KAZN: variants seen among roughly 807,000 people sequenced by gnomAD.
The protein encoded by KAZN is kazrin.
A neutral mutation model predicts 87.4 loss-of-function variants in KAZN; 40 were observed. The ratio of observed to expected loss-of-function variants is 0.46; its 90% CI spans 0.36 to 0.60. The LOEUF (loss-of-function observed/expected upper bound fraction) is 0.60, where lower values mean the gene tolerates loss of function less well. Among genes scored for constraint, KAZN ranks in the 20% least tolerant of loss-of-function variants. KAZN has a pLI of 0.00. For synonymous variants in KAZN, 466 were observed against 458.3 expected, an observed-to-expected ratio of 1.02 and a Z score of -0.22; for missense variants, 898 against 1,073.9, an observed-to-expected ratio of 0.84 and a Z score of 2.29.
chr1:14,387,480 G>C (rs1662028271), intron 2 of KAZN, among the ~76,000 whole-genome samples: 2 of 151,976 alleles, frequency 1.3e-5, no homozygotes, highest in South Asian at 4.1e-4. Flanking sequence ...GTGATGTACA[G>C]ATGGGTTTTT....
At chr1:14,081,299 G>A (rs1643665567) in intron 1 of KAZN, among the ~76,000 whole-genome samples, 1 of 152,078 alleles carries the variant, frequency 6.6e-6, no homozygotes, top group Non-Finnish European at 1.5e-5. Context: ...AGATGGCCGT[G>A]AACTGCAGTA....
intron 2 of KAZN, among the ~76,000 whole-genome samples, chr1:14,974,097 C>A (rs1429439116): frequency 6.6e-6 from 1 of 152,000 alleles, no homozygotes; most frequent in Non-Finnish European, 1.5e-5. Flanking sequence ...CAACCACATG[C>A]CCATTTGCAG....
At chr1:14,295,523 A>C (rs904391685) in intron 2 of KAZN, among the ~76,000 whole-genome samples, 6 of 152,194 alleles carry the variant, frequency 3.9e-5, no homozygotes, top group African/African-American at 1.4e-4. Flanking sequence ...CCAAAGAGTC[A>C]CACAGAGGCA....
chr1:14,632,179 T>C (rs1285645246), intron 1 of KAZN, among the ~76,000 whole-genome samples: 1 of 152,190 alleles, frequency 6.6e-6, no homozygotes, highest in Non-Finnish European at 1.5e-5. Flanking sequence ...TAAGGCTTTC[T>C]GGGGTGGGGA....
At chr1:14,018,838 T>C (rs1464682030) in intron 1 of KAZN, among the ~76,000 whole-genome samples, 1 of 152,166 alleles carries the variant, frequency 6.6e-6, no homozygotes, top group Non-Finnish European at 1.5e-5. Flanking sequence ...GGACTAAGAA[T>C]GACACCATTA....
chr1:14,698,800 G>T (rs1178487445), intron 1 of KAZN, among the ~76,000 whole-genome samples: 1 of 152,234 alleles, frequency 6.6e-6, no homozygotes, highest in East Asian at 1.9e-4. Flanking sequence ...GAATTAAAAT[G>T]CAAAGAATGT....
chr1:14,652,472 C>CA, intron 1 of KAZN, among the ~76,000 whole-genome samples: 1 of 70,620 alleles, frequency 1.4e-5, no homozygotes, highest in African/African-American at 5.1e-5. Flanking sequence ...TCCATCCACC[C>CA]ACCCACCCGC....
At chr1:15,049,002 C>G (rs1023263116) in intron 4 of KAZN, among the ~76,000 whole-genome samples, 5 of 152,224 alleles carry the variant, frequency 3.3e-5, no homozygotes, top group Non-Finnish European at 7.3e-5. Context: ...CCAAGAAGCA[C>G]CCCGTCTTCA....
intron 1 of KAZN, among the ~76,000 whole-genome samples, chr1:14,109,995 T>G (rs1421095229): frequency 7.4e-6 from 1 of 134,986 alleles, no homozygotes; most frequent in Admixed American, 7.3e-5. Flanking sequence ...AGTCCTGTTC[T>G]CAGCTGGATC....
chr1:14,127,775 G>T (rs1259502833), intron 1 of KAZN, among the ~76,000 whole-genome samples: 1 of 152,190 alleles, frequency 6.6e-6, no homozygotes, highest in Non-Finnish European at 1.5e-5. Flanking sequence ...CCCACACTGT[G>T]TGCCAGGCTT....
intron 1 of KAZN, among the ~76,000 whole-genome samples, chr1:14,888,575 C>T (rs1395297299): frequency 6.6e-6 from 1 of 151,732 alleles, no homozygotes; most frequent in African/African-American, 2.4e-5. Flanking sequence ...AATTAATTCA[C>T]GCAAATATAG....
chr1:14,566,568 A>G (rs1490377878), intron 2 of KAZN, among the ~76,000 whole-genome samples: 1 of 152,202 alleles, frequency 6.6e-6, no homozygotes, highest in East Asian at 1.9e-4. Flanking sequence ...TTACCCACTT[A>G]TGAAAATCCT....
intron 2 of KAZN, among the ~76,000 whole-genome samples, chr1:14,374,932 C>T (rs1261760320): frequency 1.2e-4 from 18 of 152,126 alleles, no homozygotes; most frequent in Admixed American, 1.0e-3. Flanking sequence ...CTATTGAGCT[C>T]GTCCATTTTC....
chr1:14,727,658 G>A (rs991940689), intron 1 of KAZN, among the ~76,000 whole-genome samples: 1 of 151,116 alleles, frequency 6.6e-6, no homozygotes, highest in Non-Finnish European at 1.5e-5. Context: ...TAGAGACAGG[G>A]TTTCTCCATG....
At chr1:14,365,344 G>A (rs1403969431) in intron 2 of KAZN, among the ~76,000 whole-genome samples, 5 of 141,164 alleles carry the variant, frequency 3.5e-5, no homozygotes, top group Admixed American at 7.4e-5. Flanking sequence ...ACCGCGCCCC[G>A]GCGCCCACCC....
intron 2 of KAZN, among the ~76,000 whole-genome samples, chr1:14,527,694 T>C (rs375732480): frequency 6.6e-6 from 1 of 152,108 alleles, no homozygotes; most frequent in East Asian, 1.9e-4. Flanking sequence ...GAAGCCAGCA[T>C]GTGCAGAGAT....
At chr1:14,592,410 G>A (rs149302233) in intron 2 of KAZN, among the ~76,000 whole-genome samples, 13 of 152,308 alleles carry the variant, frequency 8.5e-5, no homozygotes, top group African/African-American at 2.6e-4. Context: ...TGTCTGGACC[G>A]GTGAGTCTCC....
rs1330613329 is a variant in KAZN at position 14,111,201 on chromosome 1, C to T, written c.92-69234C>T. Among the ~76,000 whole-genome samples the T allele has an allele frequency of 3.7e-5, 5 of 134,294 alleles. 2 individuals carry two copies. The highest frequency in any genetic ancestry group is 4.8e-5 in the Non-Finnish European group (3 of 62,864). The allele number at this position is 134,294 out of a possible 152,430, so 88.1% of individuals were successfully genotyped here. A position where few individuals can be genotyped will look rare whatever the true frequency, so the allele number is the denominator to read the frequency against. ...CAGCAGGATAAATAGAGTTTCCACC[C>T]AGGGCCTCTGCATCAGGGCGCCTAG... is the stretch of plus-strand genomic sequence containing the variant. On this transcript the variant is annotated intron_variant, in intron 1 of 16. Transcript: ENST00000636203.
At chr1:14,194,216 C>T (rs1428107419) in intron 2 of KAZN, among the ~76,000 whole-genome samples, 1 of 152,130 alleles carries the variant, frequency 6.6e-6, no homozygotes, top group Non-Finnish European at 1.5e-5. Context: ...TGGGGGCAAA[C>T]AAGCAAGTGG....
Sources: allele counts gnomAD v4.1 joint callset (sites outside exome capture counted in the v4.1 genomes callset), GRCh38; gene constraint gnomAD v4.1.1; transcripts MANE v1.5; gene names NCBI Gene and HGNC (gene_info 2026-07-23, HGNC 2026-07-21).